Variants in KIF7 observed in about 807,000 individuals in gnomAD.
KIF7 encodes kinesin family member 7.
KIF7 carries 104 observed loss-of-function variants against 135.7 expected under a neutral mutation model. The observed-to-expected ratio is 0.77, with a 90% CI of 0.65 to 0.90. The LOEUF is 0.90. Among genes scored for constraint, KIF7 ranks in the 40% least tolerant of loss-of-function variants. KIF7 has a pLI of 0.00. For missense variants in KIF7, 2,005 were observed against 1,839.1 expected, an observed-to-expected ratio of 1.09 and a Z score of -1.65; for synonymous variants, 883 against 809.4, an observed-to-expected ratio of 1.09 and a Z score of -1.54.
At chr15:89,629,795 A>G (rs187729944) in intron 16 of KIF7, 1 of 622,288 alleles carries the variant, frequency 1.6e-6, no homozygotes, top group African/African-American at 1.8e-5. Context: ...TCTCTGCCAC[A>G]AACCCTTTCC....
At chr15:89,633,662 T>TC in intron 12 of KIF7, 24 bp downstream of exon 12, 7 of 1,601,648 alleles carry the variant, frequency 4.4e-6, no homozygotes, top group Non-Finnish European at 5.9e-6. Context: ...GGACAGAAGG[T>TC]CCCCACCCTG....
chr15:89,625,794 C>T (rs201836679), downstream of KIF7: 52 of 1,588,370 alleles, frequency 3.3e-5, no homozygotes, highest in Non-Finnish European at 2.2e-5. Flanking sequence ...CCGGTGAGTT[C>T]GTTTTTGAAA....
At chr15:89,651,240 C>T (rs1964118708) in intron 2 of KIF7, among the ~76,000 whole-genome samples, 1 of 152,206 alleles carries the variant, frequency 6.6e-6, no homozygotes, top group South Asian at 2.1e-4. Flanking sequence ...GCTGGGACTA[C>T]AGGCATGCAC....
Position 89,648,305 on chromosome 15 carries a change from C to T in KIF7, c.1393G>A (p.Glu465Lys). The T allele has an allele frequency of 3.3e-6, 5 of 1,517,292 alleles. No individual in the cohort carries two copies. The highest frequency in any genetic ancestry group is 4.4e-6 in the Non-Finnish European group (5 of 1,136,302). 94.0% of individuals were successfully genotyped at this position (1,517,292 alleles called of 1,614,324 possible). ...SSASGPDSGIESASVEDQAAQ... is the reference protein window; with the variant it reads ...SSASGPDSGIKSASVEDQAAQ... Reference sequence around the variant, plus strand: ...GCCTGGTCCTCGACGGAGGCGCTCTCGATGCCGCTATCGGGCCCGGAGGCG... The same window carrying T: ...GCCTGGTCCTCGACGGAGGCGCTCTTGATGCCGCTATCGGGCCCGGAGGCG... The change falls in exon 5 of 19, where the codon GAG becomes AAG. Residue 465 changes from glutamate (E) to lysine (K), a missense_variant. Glu to Lys is a moderately conservative substitution (Grantham distance 56). Coordinates refer to ENST00000394412, the MANE Select transcript of KIF7 (RefSeq NM_198525.3).
At chr15:89,647,173 T>C in intron 6 of KIF7, 116 bp from the exon 7 acceptor site, 1 of 862,446 alleles carries the variant, frequency 1.2e-6, no homozygotes, top group South Asian at 1.5e-5. Flanking sequence ...AAATGAGGAG[T>C]GTCAAATACT....
chr15:89,648,231 A>T (rs1456494037), intron 5 of KIF7, 24 bp downstream of exon 5: 2 of 1,488,816 alleles, frequency 1.3e-6, no homozygotes, highest in Admixed American at 4.2e-5. Context: ...CCACAACCAC[A>T]ACCACAACCT....
chr15:89,645,821 G>T (rs1964001937), intron 8 of KIF7, 72 bp downstream of exon 8: 1 of 1,562,758 alleles, frequency 6.4e-7, no homozygotes, highest in Non-Finnish European at 8.7e-7. Context: ...AGGAGACGGT[G>T]CGATCCCCAG....
intron 10 of KIF7, 111 bp from the exon 11 acceptor site, chr15:89,642,516 A>G: frequency 1.3e-6 from 1 of 773,378 alleles, no homozygotes; most frequent in Non-Finnish European, 2.1e-6. Flanking sequence ...GGGTTTCACC[A>G]AGCCTTTGCA....
intron 1 of KIF7, among the ~76,000 whole-genome samples, chr15:89,654,374 GACTACTC>G (rs1964175417): frequency 6.7e-6 from 1 of 150,182 alleles, no homozygotes; most frequent in Non-Finnish European, 1.5e-5. Context: ...TGCCTCCCTG[GACTACTC>G]ACTTCCCACA....
At chr15:89,630,680 T>A (rs1963655294) in intron 15 of KIF7, 187 bp from the exon 16 acceptor site, 1 of 652,504 alleles carries the variant, frequency 1.5e-6, no homozygotes, top group African/African-American at 1.8e-5. Flanking sequence ...CAGGGTGAGC[T>A]GGGGGCACTG....
chr15:89,624,974 G>A (rs753998548), downstream of KIF7: 33 of 1,613,942 alleles, frequency 2.0e-5, no homozygotes, highest in Non-Finnish European at 2.5e-5. Flanking sequence ...GACTCTGCCA[G>A]CCCACAGACC....
chr15:89,654,587 G>C (rs1271037399), intron 1 of KIF7, among the ~76,000 whole-genome samples: 1 of 152,070 alleles, frequency 6.6e-6, no homozygotes, highest in African/African-American at 2.4e-5. Context: ...TCCAACTGCA[G>C]GTTACTACCC....
downstream of KIF7, chr15:89,627,185 C>A: frequency 1.4e-6 from 2 of 1,472,196 alleles, no homozygotes; most frequent in South Asian, 2.4e-5. Flanking sequence ...TTGCCATGGT[C>A]AGTGTTCAGA....
chr15:89,633,874 C>G lies in KIF7; in HGVS notation c.2404G>C (p.Glu802Gln), dbSNP rs1963742875. 6.2e-7 allele frequency: 1 copy of G among 1,613,680 alleles called. No homozygotes were observed. Among genetic ancestry groups the G allele is most frequent in the African/African-American group, 1.3e-5 (1 of 74,950 alleles). The change falls in exon 12 of 19, where the codon GAG becomes CAG. Residue 802 changes from glutamate (E) to glutamine (Q), a missense_variant. By Grantham distance (29) the Glu-to-Gln change is conservative (BLOSUM62 2). Transcript: ENST00000394412. Reference protein sequence around the residue: ...AAQSQVQVLKEKKQATERLVS... With the variant: ...AAQSQVQVLKQKKQATERLVS... The stretch of plus-strand genomic sequence containing the variant: ...AGCCGCTCCGTAGCCTGCTTCTTCT[C>G]CTTCAGCACCTGGGACCCACACAGT...
chr15:89,640,509 G>C (rs573465250), intron 11 of KIF7, among the ~76,000 whole-genome samples: 48 of 152,250 alleles, frequency 3.2e-4, no homozygotes, highest in African/African-American at 1.1e-3. Context: ...GCTAGTAAGT[G>C]GTAGAACTGG....
chr15:89,621,430 T>TC (rs1305088045), intron 1 of KIF7: 1 of 1,611,092 alleles, frequency 6.2e-7, no homozygotes, highest in Non-Finnish European at 8.5e-7. Flanking sequence ...GTATTCGGTC[T>TC]CCCAAGAGTC....
At position 89,644,597 on chromosome 15, in the gene KIF7, A is replaced by G. The variant is rs373013678; in HGVS notation, c.2191+416T>C. 2.1e-3 allele frequency among the ~76,000 whole-genome samples: 323 copies of G among 152,230 alleles called. 2 individuals carry two copies. Among genetic ancestry groups the G allele is most frequent in the African/African-American group, 7.6e-3 (314 of 41,532 alleles). On this transcript the variant is annotated intron_variant, in intron 10 of 18. Coordinates refer to ENST00000394412, the MANE Select transcript of KIF7 (RefSeq NM_198525.3). Reference sequence around the variant, plus strand: ...CTACTCGGGAGGCTGAGGCAGGAGAATCGCTTGAACCCGGGAGGCAGAGGT... The same window carrying G: ...CTACTCGGGAGGCTGAGGCAGGAGAGTCGCTTGAACCCGGGAGGCAGAGGT...
intron 11 of KIF7, among the ~76,000 whole-genome samples, chr15:89,638,610 A>G (rs1254774092): frequency 7.0e-4 from 106 of 151,718 alleles, no homozygotes; most frequent in African/African-American, 2.1e-3. Context: ...CCTCTTCAAG[A>G]AGAACTACAA....
At chr15:89,651,539 T>C (rs905493050) in intron 2 of KIF7, among the ~76,000 whole-genome samples, 1 of 152,208 alleles carries the variant, frequency 6.6e-6, no homozygotes, top group Admixed American at 6.5e-5. Context: ...TGGCCAATGA[T>C]ACATTATTAA....
Sources: gnomAD v4.1 joint callset for allele counts (sites outside exome capture counted in the v4.1 genomes callset) on GRCh38, gnomAD v4.1.1 for gene constraint, MANE v1.5 for transcripts, NCBI Gene and HGNC (gene_info 2026-07-23, HGNC 2026-07-21) for gene names.